QTMAN: variants seen among roughly 807,000 people sequenced by gnomAD.
QTMAN encodes the protein queuosine-tRNA mannosyltransferase, also known as tRNA-queuosine alpha-mannosyltransferase.
the QTMAN span, among the ~76,000 whole-genome samples, chr2:144,317,034 A>G: frequency 1.3e-5 from 2 of 152,196 alleles, no homozygotes; most frequent in Admixed American, 1.3e-4. Flanking sequence ...GAGACTTACT[A>G]AACAGTTCAT....
At chr2:144,222,445 T>C in the QTMAN span, among the ~76,000 whole-genome samples, 4 of 152,178 alleles carry the variant, frequency 2.6e-5, no homozygotes, top group South Asian at 8.3e-4. Context: ...GGGGAAATAT[T>C]TAATTAAGGT....
chr2:144,144,958 A>T, the QTMAN span, among the ~76,000 whole-genome samples: 2 of 151,690 alleles, frequency 1.3e-5, no homozygotes, highest in Non-Finnish European at 2.9e-5. Flanking sequence ...AAGCTTCAGG[A>T]GATACACTTT....
the QTMAN span, chr2:143,943,299 A>G: frequency 6.6e-6 from 1 of 152,240 alleles, no homozygotes; most frequent in African/African-American, 2.4e-5. Flanking sequence ...AAATTTTAAA[A>G]TGAAACATGT....
At chr2:144,193,996 AT>A in the QTMAN span, among the ~76,000 whole-genome samples, 1 of 152,210 alleles carries the variant, frequency 6.6e-6, no homozygotes, top group Non-Finnish European at 1.5e-5. Context: ...AAAGAAGTAC[AT>A]TATGGTTTCG....
the QTMAN span, among the ~76,000 whole-genome samples, chr2:144,194,329 T>C: frequency 6.6e-6 from 1 of 152,212 alleles, no homozygotes; most frequent in Non-Finnish European, 1.5e-5. Flanking sequence ...CAGTGATTTG[T>C]ACTTTTAAAG....
At chr2:143,987,261 C>T in the QTMAN span, among the ~76,000 whole-genome samples, 1 of 152,192 alleles carries the variant, frequency 6.6e-6, no homozygotes, top group African/African-American at 2.4e-5. Context: ...GGATCATGTA[C>T]ACCAGACTAT....
chr2:144,099,813 T>C, the QTMAN span, among the ~76,000 whole-genome samples: 1 of 152,188 alleles, frequency 6.6e-6, no homozygotes, highest in Non-Finnish European at 1.5e-5. Flanking sequence ...TCAATTCCCT[T>C]CAAGGAAACT....
chr2:144,288,829 G>A, the QTMAN span, among the ~76,000 whole-genome samples: 2 of 152,014 alleles, frequency 1.3e-5, no homozygotes, highest in Admixed American at 1.3e-4. Context: ...GAGACCATCT[G>A]TTCTATACAC....
chr2:144,292,059 T>C, the QTMAN span, among the ~76,000 whole-genome samples: 877 of 152,350 alleles, frequency 5.8e-3, 8 homozygotes, highest in Middle Eastern at 0.024. Flanking sequence ...CCTCTGAGTG[T>C]TAGTTTTTCT....
chr2:144,097,082 T>A, the QTMAN span, among the ~76,000 whole-genome samples: 1 of 152,212 alleles, frequency 6.6e-6, no homozygotes, highest in East Asian at 1.9e-4. Context: ...TGTGAATTGA[T>A]AAGGAAATAT....
chr2:144,117,212 C>T, the QTMAN span, among the ~76,000 whole-genome samples: 22 of 152,300 alleles, frequency 1.4e-4, no homozygotes, highest in South Asian at 2.7e-3. Flanking sequence ...ACTGTTTTCA[C>T]GCTGACAGTA....
the QTMAN span, among the ~76,000 whole-genome samples, chr2:144,163,636 G>A: frequency 7.9e-5 from 12 of 152,190 alleles, no homozygotes; most frequent in Admixed American, 6.5e-4. Context: ...ATTGTGGTGT[G>A]CGTGCAATGC....
chr2:144,274,004 C>G, the QTMAN span, among the ~76,000 whole-genome samples: 2 of 152,056 alleles, frequency 1.3e-5, no homozygotes, highest in African/African-American at 4.8e-5. Flanking sequence ...CGTGATGGCA[C>G]GCACCTGTAG....
the QTMAN span, among the ~76,000 whole-genome samples, chr2:144,182,817 AT>A: frequency 4.1e-3 from 254 of 62,328 alleles, 11 homozygotes; most frequent in African/African-American, 0.023. Context: ...TAATATATAT[AT>A]TATATATATA....
the QTMAN span, among the ~76,000 whole-genome samples, chr2:144,010,124 A>C: frequency 1.4e-3 from 215 of 152,152 alleles, 2 homozygotes; most frequent in Non-Finnish European, 7.1e-4. Flanking sequence ...TTCATTTTAG[A>C]AAACAGTATC....
chr2:144,048,184 T>C, the QTMAN span, among the ~76,000 whole-genome samples: 1 of 152,300 alleles, frequency 6.6e-6, no homozygotes. Context: ...TGGAGCTAGA[T>C]GCCCATACCT....
the QTMAN span, among the ~76,000 whole-genome samples, chr2:144,256,155 A>G: frequency 6.6e-6 from 1 of 152,220 alleles, no homozygotes; most frequent in East Asian, 1.9e-4. Flanking sequence ...CCTTTTCCTT[A>G]AAACATATCA....
the QTMAN span, among the ~76,000 whole-genome samples, chr2:144,308,092 T>C: frequency 2.0e-5 from 3 of 151,858 alleles, no homozygotes; most frequent in East Asian, 3.9e-4. Flanking sequence ...AACAGTGTTA[T>C]GTTGGCATGA....
the QTMAN span, among the ~76,000 whole-genome samples, chr2:144,303,839 T>C: frequency 6.6e-6 from 1 of 152,164 alleles, no homozygotes; most frequent in African/African-American, 2.4e-5. Flanking sequence ...AACCCTATGA[T>C]TGCACCAGCT....
Sources: gnomAD v4.1 joint callset for allele counts (sites outside exome capture counted in the v4.1 genomes callset) on GRCh38, gnomAD v4.1.1 for gene constraint, MANE v1.5 for transcripts, NCBI Gene and HGNC (gene_info 2026-07-23, HGNC 2026-07-21) for gene names.